Variants in RIPOR2 observed in about 807,000 individuals in gnomAD.
RIPOR2 encodes rho family-interacting cell polarization regulator 2.
Under a neutral mutation model 114.5 loss-of-function variants are expected in RIPOR2, and 39 were observed. That is an observed-to-expected ratio of 0.34 (90% CI 0.26 to 0.44). The LOEUF is 0.44. Ranked by LOEUF, RIPOR2 falls within the 20% of genes least tolerant of loss-of-function variation. RIPOR2 has a pLI of 1.00. For synonymous variants in RIPOR2, 445 were observed against 484.4 expected, an observed-to-expected ratio of 0.92 and a Z score of 1.07; for missense variants, 1,007 against 1,255.1, an observed-to-expected ratio of 0.80 and a Z score of 2.99.
At position 24,896,568 on chromosome 6, in the gene RIPOR2, G is replaced by C. The variant is rs185724865; in HGVS notation, c.62-20751C>G. ...ATTAATAAGATGAGATTCAGTTATA[G>C]AGACTACATAATATCAGGAGGTCAA... On this transcript the variant is annotated intron_variant, in intron 1 of 21. Transcript: ENST00000643898. 2.0e-4 allele frequency among the ~76,000 whole-genome samples: 31 copies of C among 152,276 alleles called. 1 individual carries two copies. Among genetic ancestry groups the C allele is most frequent in the Admixed American group, 1.9e-3 (29 of 15,294 alleles).
intron 21 of RIPOR2, among the ~76,000 whole-genome samples, chr6:24,807,773 C>G (rs938239205): frequency 1.3e-5 from 2 of 152,152 alleles, no homozygotes; most frequent in Non-Finnish European, 2.9e-5. Context: ...CGAAATCATT[C>G]CATACTAGTT....
Position 24,804,493 on chromosome 6 carries a change from A to T in RIPOR2, c.*1880T>A, listed in dbSNP as rs1468156727. 6.6e-6 allele frequency: 1 copy of T among 152,194 alleles called. No homozygotes were observed. The highest frequency in any genetic ancestry group is 1.5e-5 in the Non-Finnish European group (1 of 68,032). The allele number at this position is 152,194 out of a possible 1,614,324, so 9.4% of individuals were successfully genotyped here. A position where few individuals can be genotyped will look rare whatever the true frequency, so the allele number is the denominator to read the frequency against. ...CAAAATCCTGTAACATCTGTGTTTGACTTTCTATAAAAAGAACCATTTCAA... is the reference window on the plus strand; with the variant it reads ...CAAAATCCTGTAACATCTGTGTTTGTCTTTCTATAAAAAGAACCATTTCAA... On this transcript the variant is annotated 3_prime_UTR_variant, in exon 22 of 22. Transcript: ENST00000643898.
chr6:24,839,586 G>T (rs1761439687), intron 13 of RIPOR2: 1 of 1,520,180 alleles, frequency 6.6e-7, no homozygotes, highest in Non-Finnish European at 8.9e-7. Flanking sequence ...TCCATTAGAG[G>T]ATCTTCTCTA....
Position 24,848,088 on chromosome 6 carries a change from C to G in RIPOR2, c.1101G>C (p.Arg367Ser), listed in dbSNP as rs760643446. Residue 367 changes from arginine (R) to serine (S), a missense_variant, in exon 12 of 22, where the codon AGG (arginine) becomes AGC (serine). Transcript: ENST00000643898. Reference sequence around the variant, plus strand: ...TACCCTGGCTGTACATGGACATTCTCCTCTGAAGGGCTGCTGCCTTGTTCC... The same window carrying G: ...TACCCTGGCTGTACATGGACATTCTGCTCTGAAGGGCTGCTGCCTTGTTCC... ...GAGNKAAALQ[R>S]RMSMYSQGTP... is the part of the protein sequence containing the mutation. 3 of 1,613,798 alleles carry G rather than the reference C, an allele frequency of 1.9e-6. No homozygotes were observed. Among genetic ancestry groups the G allele is most frequent in the Non-Finnish European group, 2.5e-6 (3 of 1,179,866 alleles).
intron 1 of RIPOR2, among the ~76,000 whole-genome samples, chr6:24,921,372 C>T (rs1770470649): frequency 6.6e-6 from 1 of 151,756 alleles, no homozygotes; most frequent in African/African-American, 2.4e-5. Flanking sequence ...CTATGTTGGC[C>T]AGGCCGGTCT....
In RIPOR2 at chr6:24,850,097, CT is replaced by C. The variant is rs5875008; in HGVS notation, c.886-148del. On this transcript the variant is annotated intron_variant, in intron 10 of 21. Transcript: ENST00000643898. ...GAAGCGGATTTTCATTTTTCTTTTT[CT>C]TTTTTTTTTTTTTTTGGAGACAGGG... The C allele has an allele frequency of 0.098, 42,191 of 431,142 alleles. 18 individuals carry two copies. The highest frequency in any genetic ancestry group is 0.11 in the Middle Eastern group (174 of 1,588). The allele number at this position is 431,142 out of a possible 1,614,324, so 26.7% of individuals were successfully genotyped here.
At chr6:24,885,534 C>T (rs936469351) in intron 1 of RIPOR2, among the ~76,000 whole-genome samples, 2 of 152,104 alleles carry the variant, frequency 1.3e-5, no homozygotes, top group Non-Finnish European at 2.9e-5. Flanking sequence ...AAAGTGGTAC[C>T]TATTTCTTAA....
At chr6:25,003,271 A>G (rs1179544587) in intron 1 of RIPOR2, among the ~76,000 whole-genome samples, 1 of 151,994 alleles carries the variant, frequency 6.6e-6, no homozygotes, top group Non-Finnish European at 1.5e-5. Context: ...ACATATTTTG[A>G]CTTCAGCCTT....
intron 1 of RIPOR2, chr6:24,948,476 A>G (rs1356184566): frequency 1.3e-5 from 2 of 152,230 alleles, no homozygotes; most frequent in African/African-American, 4.8e-5. Flanking sequence ...TCTGTCTCAG[A>G]TGATTGCTCA....
intron 1 of RIPOR2, chr6:24,976,762 A>G: frequency 6.2e-7 from 1 of 1,611,444 alleles, no homozygotes; most frequent in Non-Finnish European, 8.5e-7. Flanking sequence ...TAAAGCATAC[A>G]GGTCCTGAAA....
At position 24,886,507 on chromosome 6, in the gene RIPOR2, G is replaced by A. The variant is rs572307315; in HGVS notation, c.62-10690C>T. 2.6e-5 allele frequency among the ~76,000 whole-genome samples: 4 copies of A among 152,276 alleles called. No homozygotes were observed. In the South Asian group the frequency reaches 8.3e-4, roughly 32 times the overall value. ...TTGTCATGAGTCTGTCCTTTAATCTGGGACAGTTTCTTGGCAATTCTTTGG... is the reference window on the plus strand; with the variant it reads ...TTGTCATGAGTCTGTCCTTTAATCTAGGACAGTTTCTTGGCAATTCTTTGG... On this transcript the variant is annotated intron_variant, in intron 1 of 21. Transcript: ENST00000643898.
intron 1 of RIPOR2, among the ~76,000 whole-genome samples, chr6:25,027,675 C>T (rs1776697416): frequency 6.6e-6 from 1 of 152,232 alleles, no homozygotes; most frequent in African/African-American, 2.4e-5. Flanking sequence ...GCCCCCCTCC[C>T]CTCGTGTGAG....
At chr6:24,942,058 T>C (rs184163190) in intron 1 of RIPOR2, among the ~76,000 whole-genome samples, 161 of 152,268 alleles carry the variant, frequency 1.1e-3, no homozygotes, top group African/African-American at 3.8e-3. Context: ...GATATAACTT[T>C]CTCAACTTTT....
At chr6:24,886,353 C>T (rs1243729476) in intron 1 of RIPOR2, among the ~76,000 whole-genome samples, 2 of 152,182 alleles carry the variant, frequency 1.3e-5, no homozygotes, top group South Asian at 2.1e-4. Flanking sequence ...GGAAATGTAA[C>T]ATCAATACAA....
intron 13 of RIPOR2, chr6:24,840,651 T>G: frequency 6.5e-7 from 1 of 1,533,082 alleles, no homozygotes; most frequent in Non-Finnish European, 8.7e-7. Flanking sequence ...ACACTCAAGA[T>G]GGCACAAAAG....
intron 1 of RIPOR2, among the ~76,000 whole-genome samples, chr6:25,003,820 C>T (rs899242795): frequency 6.6e-6 from 1 of 152,106 alleles, no homozygotes; most frequent in African/African-American, 2.4e-5. Context: ...TTAGCTTTTC[C>T]AACAGGTAAG....
chr6:25,018,604 T>C (rs1776138889), intron 1 of RIPOR2, among the ~76,000 whole-genome samples: 1 of 152,244 alleles, frequency 6.6e-6, no homozygotes, highest in African/African-American at 2.4e-5. Flanking sequence ...TTCCACATTT[T>C]GGTTTGCGCG....
At chr6:24,980,771 G>T (rs904629725) in intron 1 of RIPOR2, among the ~76,000 whole-genome samples, 1 of 152,160 alleles carries the variant, frequency 6.6e-6, no homozygotes, top group Non-Finnish European at 1.5e-5. Flanking sequence ...TCTCCCTGCC[G>T]CCAAATCATC....
At chr6:24,933,104 C>T (rs1295933300) in intron 1 of RIPOR2, among the ~76,000 whole-genome samples, 2 of 152,198 alleles carry the variant, frequency 1.3e-5, no homozygotes, top group Admixed American at 1.3e-4. Flanking sequence ...GCTATATCTG[C>T]CACGTTAAAC....
Sources: gnomAD v4.1 joint callset for allele counts (sites outside exome capture counted in the v4.1 genomes callset) on GRCh38, gnomAD v4.1.1 for gene constraint, MANE v1.5 for transcripts, NCBI Gene and HGNC (gene_info 2026-07-23, HGNC 2026-07-21) for gene names.